The following SLC22A23 variants were observed in gnomAD, a reference collection of about 807,000 sequenced individuals.
SLC22A23 encodes the protein solute carrier family 22 member 23.
In SLC22A23, 26 loss-of-function variants were observed where a neutral mutation model predicts 61.0. The observed-to-expected ratio is 0.43, with a 90% CI of 0.31 to 0.59. The LOEUF is 0.59. SLC22A23 is among the 20% of genes least tolerant of loss of function. SLC22A23 has a pLI of 0.11. For missense variants in SLC22A23, 796 were observed against 934.7 expected, an observed-to-expected ratio of 0.85 and a Z score of 1.94; for synonymous variants, 430 against 413.9, an observed-to-expected ratio of 1.04 and a Z score of -0.47.
In SLC22A23 at chr6:3,364,657, A is replaced by G. The variant is rs561735424; in HGVS notation, c.914-40655T>C. ...GCGAGAGGTCTCACGCGTGCAGGGC[A>G]CAGCTGGAGGGAGCAGTTCGCTCCC... On this transcript the variant is annotated intron_variant, in intron 3 of 9. Transcript: ENST00000406686. 5.9e-5 allele frequency among the ~76,000 whole-genome samples: 9 copies of G among 152,296 alleles called. 1 individual carries two copies. In the South Asian group the frequency reaches 1.9e-3, roughly 32 times the overall value.
rs762267621 is a variant in SLC22A23 at position 3,283,845 on chromosome 6, G to A, written c.1703+7C>T. On this transcript the variant is annotated splice_region_variant and intron_variant, in intron 9 of 9. Transcript: ENST00000406686. The stretch of plus-strand genomic sequence containing the variant: ...CGGCGTCCCCTGGGGTGTCTCCCAT[G>A]ACGCACCTTATCACCGTCGGGGTGA... 2 of 1,613,586 alleles carry A rather than the reference G, an allele frequency of 1.2e-6. No homozygotes were observed. Among genetic ancestry groups the A allele is most frequent in the South Asian group, 1.1e-5 (1 of 91,050 alleles).
At position 3,286,749 on chromosome 6, in the gene SLC22A23, A is replaced by T; in HGVS notation, c.1546+110T>A. ...TGTTCTCCCCAAAGCAGCTCCTTCC[A>T]GCAGTAGATTTTAGAGTGGCCAGCG... On this transcript the variant is annotated intron_variant, in intron 7 of 9. Coordinates refer to ENST00000406686, the MANE Select transcript of SLC22A23 (RefSeq NM_015482.2). The surrounding 1 kb of genome is among the most constrained non-coding windows in gnomAD (Gnocchi z 4.2). 1 of 965,168 alleles carries T rather than the reference A, an allele frequency of 1.0e-6. No homozygotes were observed. 59.8% of individuals were successfully genotyped at this position (965,168 alleles called of 1,614,324 possible). A position where few individuals can be genotyped will look rare whatever the true frequency, so the allele number is the denominator to read the frequency against.
Position 3,333,871 on chromosome 6 carries a change from G to A in SLC22A23, c.914-9869C>T, listed in dbSNP as rs1018483983. 6.6e-6 allele frequency among the ~76,000 whole-genome samples: 1 copy of A among 152,218 alleles called. No individual in the cohort carries two copies. Among genetic ancestry groups the A allele is most frequent in the Non-Finnish European group, 1.5e-5 (1 of 68,050 alleles). On this transcript the variant is annotated intron_variant, in intron 3 of 9. Coordinates refer to ENST00000406686, the MANE Select transcript of SLC22A23 (RefSeq NM_015482.2). The surrounding 1 kb of genome is among the most constrained non-coding windows in gnomAD (Gnocchi z 4.1). ...TGTCAACAAGCTGTGCAGTAATTCT[G>A]ATGCTGGCTCCAGCTGAAGAACCAC...
chr6:3,378,661 T>TC (rs1173355117), intron 3 of SLC22A23, among the ~76,000 whole-genome samples: 13 of 125,370 alleles, frequency 1.0e-4, no homozygotes, highest in East Asian at 1.0e-3. Context: ...TTTTTTCTTT[T>TC]TTTTTTTTTT....
At chr6:3,367,970 C>T (rs1765943950) in intron 3 of SLC22A23, among the ~76,000 whole-genome samples, 1 of 152,188 alleles carries the variant, frequency 6.6e-6, no homozygotes, top group African/African-American at 2.4e-5. Context: ...AAATGTCCAT[C>T]TCTCTGCGTC....
chr6:3,281,151 C>T (rs1458324525), intron 9 of SLC22A23, among the ~76,000 whole-genome samples: 2 of 152,218 alleles, frequency 1.3e-5, no homozygotes, highest in Admixed American at 1.3e-4. Flanking sequence ...GCAGCTGCTT[C>T]CAGATCCGCC....
intron 5 of SLC22A23, among the ~76,000 whole-genome samples, chr6:3,292,581 A>T (rs1003899058): frequency 7.2e-5 from 11 of 152,182 alleles, no homozygotes; most frequent in African/African-American, 2.4e-4. Context: ...AGCCGACTGA[A>T]TTTTGATGAG....
chr6:3,361,239 G>C (rs1384675642), intron 3 of SLC22A23, among the ~76,000 whole-genome samples: 1 of 151,358 alleles, frequency 6.6e-6, no homozygotes, highest in African/African-American at 2.4e-5. Context: ...CAATAAGAGG[G>C]ACACAGGGAC....
chr6:3,418,050 G>A (rs993916017), intron 1 of SLC22A23, among the ~76,000 whole-genome samples: 3 of 152,224 alleles, frequency 2.0e-5, no homozygotes, highest in African/African-American at 7.2e-5. Flanking sequence ...AAATCACAGT[G>A]GGTGCACATT....
At position 3,333,607 on chromosome 6, in the gene SLC22A23, T is replaced by C. The variant is rs941483515; in HGVS notation, c.914-9605A>G. 2.0e-5 allele frequency among the ~76,000 whole-genome samples: 3 copies of C among 152,234 alleles called. No individual in the cohort carries two copies. Among genetic ancestry groups the C allele is most frequent in the Non-Finnish European group, 4.4e-5 (3 of 68,044 alleles). On this transcript the variant is annotated intron_variant, in intron 3 of 9. Transcript: ENST00000406686. The surrounding 1 kb of genome is among the most constrained non-coding windows in gnomAD (Gnocchi z 4.1). ...CTCCCTCCTCCTTTTCTCAGGTCTC[T>C]AAGAGCCATCTTGCCCAGAAGCTTT...
chr6:3,318,950 G>A lies in SLC22A23; in HGVS notation c.1082+4884C>T, dbSNP rs1212353248. Among the ~76,000 whole-genome samples the A allele has an allele frequency of 6.6e-6, 1 of 152,142 alleles. No individual in the cohort carries two copies. Among genetic ancestry groups the A allele is most frequent in the Non-Finnish European group, 1.5e-5 (1 of 68,016 alleles). On this transcript the variant is annotated intron_variant, in intron 4 of 9. Transcript: ENST00000406686. This position sits in a 1 kb window ranked among gnomAD's most constrained non-coding sequence, Gnocchi z 4.3. ...CAGGGCCACTCTCAAAGCATCTCTCGAATCAGCCCTCTGCAGGTGACACCC... is the reference window on the plus strand; with the variant it reads ...CAGGGCCACTCTCAAAGCATCTCTCAAATCAGCCCTCTGCAGGTGACACCC...
intron 5 of SLC22A23, among the ~76,000 whole-genome samples, chr6:3,296,266 A>G (rs1023942407): frequency 2.6e-5 from 4 of 152,146 alleles, no homozygotes; most frequent in Admixed American, 2.6e-4. Flanking sequence ...CAGCGCAGGG[A>G]AGTTTGTATC....
rs142554544 is a variant in SLC22A23 at position 3,393,506 on chromosome 6, C to T, written c.913+16682G>A. 6.5e-4 allele frequency among the ~76,000 whole-genome samples: 99 copies of T among 152,330 alleles called. 1 individual carries two copies. Among genetic ancestry groups the T allele is most frequent in the Non-Finnish European group, 1.4e-3 (93 of 68,028 alleles). Reference sequence around the variant, plus strand: ...CAGGTAGAGAACATTTGCCTTGATGCTGCAGGTTCTCTTAGGCAGCTCTGA... The same window carrying T: ...CAGGTAGAGAACATTTGCCTTGATGTTGCAGGTTCTCTTAGGCAGCTCTGA... On this transcript the variant is annotated intron_variant, in intron 3 of 9. Coordinates refer to ENST00000406686, the MANE Select transcript of SLC22A23 (RefSeq NM_015482.2).
rs987145193 is a variant in SLC22A23 at position 3,324,047 on chromosome 6, C to A, written c.914-45G>T. 1.3e-6 allele frequency: 2 copies of A among 1,598,790 alleles called. No homozygotes were observed. Among genetic ancestry groups the A allele is most frequent in the Non-Finnish European group, 1.7e-6 (2 of 1,169,088 alleles). On this transcript the variant is annotated intron_variant, in intron 3 of 9. Transcript: ENST00000406686. This position sits in a 1 kb window ranked among gnomAD's most constrained non-coding sequence, Gnocchi z 4.3. ...AGAGAGAGATGAGTGCCCTGCTCGA[C>A]AGCCCGAGAAGTCCTGGGTGCACCT...
At chr6:3,436,122 C>T (rs970871427) in intron 1 of SLC22A23, among the ~76,000 whole-genome samples, 4 of 151,958 alleles carry the variant, frequency 2.6e-5, no homozygotes, top group Non-Finnish European at 4.4e-5. Flanking sequence ...GATTGCAGCC[C>T]GTCCTGTCTC....
In SLC22A23 at chr6:3,298,162, T is replaced by A; in HGVS notation, c.1139A>T (p.Lys380Met). 6.3e-7 allele frequency: 1 copy of A among 1,592,802 alleles called. No homozygotes were observed. The highest frequency in any genetic ancestry group is 8.5e-7 in the Non-Finnish European group (1 of 1,172,096). Residue 380 changes from lysine to methionine, a missense_variant, in exon 5 of 10, where the codon AAG becomes ATG. By Grantham distance (95) the Lys-to-Met change is moderately conservative. Transcript: ENST00000406686. ...LMATQQFESAKRLILHFTQKN... is the reference protein window; with the variant it reads ...LMATQQFESAMRLILHFTQKN... ...CTGTGTGAAGTGGAGGATCAGCCTC[T>A]TTGCAGACTCAAACTGCTGGGTGGC...
rs1769191735 is a variant in SLC22A23, at chr6:3,410,974, G to A, written c.759-632C>T. Among the ~76,000 whole-genome samples, 1 of 152,210 alleles carries A rather than the reference G, an allele frequency of 6.6e-6. No individual in the cohort carries two copies. The highest frequency in any genetic ancestry group is 1.5e-5 in the Non-Finnish European group (1 of 68,036). ...TAGTGAGCTGACAGTGCAGCCCCTC[G>A]GCTGGACTGAGAGGCAGGGAGCCCA... On this transcript the variant is annotated intron_variant, in intron 2 of 9. Transcript: ENST00000406686. The surrounding 1 kb of genome is among the most constrained non-coding windows in gnomAD (Gnocchi z 5.0).
In SLC22A23 at chr6:3,324,085, T is replaced by C. The variant is rs1289833431; in HGVS notation, c.914-83A>G. ...CCTGGGTGCACCTGGGCCAGTGCAC[T>C]GCTTAACCCACCAACGACTGAAATT... On this transcript the variant is annotated intron_variant, in intron 3 of 9. Transcript: ENST00000406686. This position sits in a 1 kb window ranked among gnomAD's most constrained non-coding sequence, Gnocchi z 4.3. 1 of 1,490,380 alleles carries C rather than the reference T, an allele frequency of 6.7e-7. No individual in the cohort carries two copies. Among genetic ancestry groups the C allele is most frequent in the African/African-American group, 1.4e-5 (1 of 72,128 alleles). 92.3% of individuals were successfully genotyped at this position (1,490,380 alleles called of 1,614,324 possible).
intron 9 of SLC22A23, among the ~76,000 whole-genome samples, chr6:3,274,705 G>A (rs1005614418): frequency 2.6e-5 from 4 of 152,182 alleles, no homozygotes; most frequent in African/African-American, 4.8e-5. Context: ...ATATGTCTAC[G>A]TGCTAGCAAC....
Sources: gnomAD v4.1 joint callset for allele counts (sites outside exome capture counted in the v4.1 genomes callset) on GRCh38, gnomAD v4.1.1 for gene constraint, Gnocchi (gnomAD v3.1) non-coding constraint, MANE v1.5 for transcripts, NCBI Gene and HGNC (gene_info 2026-07-23, HGNC 2026-07-21) for gene names.